DAB1: variants seen among roughly 807,000 people sequenced by gnomAD.
The protein encoded by DAB1 is DAB adaptor protein 1, also known as disabled homolog 1.
Under a neutral mutation model 64.6 loss-of-function variants are expected in DAB1, and 15 were observed. That is an observed-to-expected ratio of 0.23 (90% CI 0.16 to 0.36). DAB1 has a LOEUF of 0.36. Ranked by LOEUF, DAB1 falls within the 10% of genes least tolerant of loss-of-function variation. The pLI is 1.00. For synonymous variants in DAB1, 235 were observed against 251.9 expected, an observed-to-expected ratio of 0.93 and a Z score of 0.64; for missense variants, 596 against 706.7, an observed-to-expected ratio of 0.84 and a Z score of 1.78.
chr1:58,219,057 TAC>T (rs1659019453), intron 4 of DAB1, among the ~76,000 whole-genome samples: 1 of 145,086 alleles, frequency 6.9e-6, no homozygotes, highest in African/African-American at 2.6e-5. Flanking sequence ...CAATTTAAAA[TAC>T]AGATACATTT....
intron 4 of DAB1, among the ~76,000 whole-genome samples, chr1:57,102,986 G>A (rs1654817410): frequency 6.6e-6 from 1 of 152,108 alleles, no homozygotes; most frequent in South Asian, 2.1e-4. Context: ...GGCCCAAACA[G>A]GAGATGAAGG....
chr1:57,337,572 T>G (rs1025228561), intron 1 of DAB1, among the ~76,000 whole-genome samples: 5 of 152,196 alleles, frequency 3.3e-5, no homozygotes, highest in African/African-American at 1.2e-4. Flanking sequence ...TTTTTTTTCC[T>G]GAACACTTTA....
At chr1:58,246,134 A>AC (rs1193501419) in intron 4 of DAB1, among the ~76,000 whole-genome samples, 1 of 151,888 alleles carries the variant, frequency 6.6e-6, no homozygotes, top group Non-Finnish European at 1.5e-5. Context: ...TTGTTAACAA[A>AC]AATGAATAAG....
intron 5 of DAB1, among the ~76,000 whole-genome samples, chr1:58,124,207 T>TATAC (rs1652922697): frequency 6.8e-6 from 1 of 148,136 alleles, no homozygotes; most frequent in African/African-American, 2.6e-5. Context: ...TATATATATA[T>TATAC]ACACACACAC....
At chr1:58,492,678 A>C (rs1159857233) in intron 3 of DAB1, among the ~76,000 whole-genome samples, 1 of 152,236 alleles carries the variant, frequency 6.6e-6, no homozygotes, top group Admixed American at 6.5e-5. Flanking sequence ...GAAATGGATA[A>C]ATTCCTGGAC....
At chr1:57,013,075 G>A (rs1646313242) in intron 12 of DAB1, among the ~76,000 whole-genome samples, 1 of 152,240 alleles carries the variant, frequency 6.6e-6, no homozygotes. Flanking sequence ...CTCATAGAGT[G>A]ATTAGAGGCC....
chr1:57,154,256 T>A (rs1443363797), intron 2 of DAB1, among the ~76,000 whole-genome samples: 1 of 152,318 alleles, frequency 6.6e-6, no homozygotes, highest in Non-Finnish European at 1.5e-5. Context: ...ATTGTTTTGA[T>A]TTTTAGATCC....
chr1:57,091,718 GT>G (rs766464838), intron 4 of DAB1, among the ~76,000 whole-genome samples: 2 of 152,140 alleles, frequency 1.3e-5, no homozygotes, highest in Non-Finnish European at 2.9e-5. Flanking sequence ...CTGTGCCTCT[GT>G]TTGCTTATCT....
intron 1 of DAB1, among the ~76,000 whole-genome samples, chr1:57,412,271 AG>A (rs1047386428): frequency 1.3e-5 from 2 of 152,218 alleles, no homozygotes; most frequent in Non-Finnish European, 2.9e-5. Flanking sequence ...ATATTGAAAT[AG>A]GCCAATTAAT....
intron 1 of DAB1, among the ~76,000 whole-genome samples, chr1:57,870,916 G>A (rs550912772): frequency 6.6e-6 from 1 of 152,250 alleles, no homozygotes; most frequent in African/African-American, 2.4e-5. Flanking sequence ...ACATTGGCAA[G>A]GAGAATTTAT....
intron 4 of DAB1, among the ~76,000 whole-genome samples, chr1:57,114,866 A>G (rs549320987): frequency 6.0e-4 from 92 of 152,268 alleles, no homozygotes; most frequent in African/African-American, 2.1e-3. Context: ...TCTGGGTTCC[A>G]TTTCAGGCTC....
At chr1:58,239,166 A>G (rs1660181311) in intron 4 of DAB1, among the ~76,000 whole-genome samples, 1 of 152,174 alleles carries the variant, frequency 6.6e-6, no homozygotes, top group Non-Finnish European at 1.5e-5. Flanking sequence ...AACCTAATTG[A>G]CATGATACAA....
intron 4 of DAB1, among the ~76,000 whole-genome samples, chr1:57,100,969 C>G (rs1269222190): frequency 1.3e-5 from 2 of 152,164 alleles, no homozygotes; most frequent in Non-Finnish European, 2.9e-5. Flanking sequence ...CTCCCATCAT[C>G]GCCATGAGGC....
At chr1:57,424,212 C>T (rs986875018), upstream of DAB1, among the ~76,000 whole-genome samples, 1 of 150,176 alleles carries the variant, frequency 6.7e-6, no homozygotes, top group Non-Finnish European at 1.5e-5. Flanking sequence ...TCCCCGGCCG[C>T]CGCCGCCGGG....
chr1:57,152,628 C>T (rs1659800476), intron 2 of DAB1, among the ~76,000 whole-genome samples: 1 of 152,220 alleles, frequency 6.6e-6, no homozygotes, highest in Non-Finnish European at 1.5e-5. Flanking sequence ...TTCAATCTCC[C>T]CAGCTGCTCA....
chr1:57,050,962 T>C (rs1004266769), intron 9 of DAB1, among the ~76,000 whole-genome samples: 10 of 152,236 alleles, frequency 6.6e-5, no homozygotes, highest in African/African-American at 2.2e-4. Context: ...TCTGTCATTG[T>C]AGGTATGTGA....
At chr1:58,173,896 T>A (rs1039470391) in intron 4 of DAB1, among the ~76,000 whole-genome samples, 3 of 152,146 alleles carry the variant, frequency 2.0e-5, no homozygotes, top group African/African-American at 7.2e-5. Context: ...ATACAATGAA[T>A]ACTCCTACTT....
intron 7 of DAB1, among the ~76,000 whole-genome samples, chr1:57,469,750 C>G (rs1176172282): frequency 6.6e-6 from 1 of 152,048 alleles, no homozygotes; most frequent in Non-Finnish European, 1.5e-5. Flanking sequence ...ACCAGGAAGG[C>G]CAGAACTTTT....
chr1:57,466,071 A>G (rs1204675505), intron 7 of DAB1, among the ~76,000 whole-genome samples: 1 of 152,122 alleles, frequency 6.6e-6, no homozygotes, highest in Admixed American at 6.6e-5. Flanking sequence ...AAGCCCAGCC[A>G]TTTGTCCTTG....
Sources: allele counts gnomAD v4.1 joint callset (sites outside exome capture counted in the v4.1 genomes callset), GRCh38; gene constraint gnomAD v4.1.1; transcripts MANE v1.5; gene names NCBI Gene and HGNC (gene_info 2026-07-23, HGNC 2026-07-21).